MIER2: variants seen among roughly 807,000 people sequenced by gnomAD.
The protein encoded by MIER2 is MIER family member 2, also known as mesoderm induction early response protein 2.
MIER2 carries 30 observed loss-of-function variants against 67.6 expected under a neutral mutation model. The observed-to-expected ratio is 0.44, with a 90% CI of 0.33 to 0.60. The LOEUF (loss-of-function observed/expected upper bound fraction) is 0.60. MIER2 is among the 20% of genes least tolerant of loss of function. MIER2 has a pLI of 0.02. For synonymous variants in MIER2, 372 were observed against 312.6 expected (o/e 1.19, Z -2.00); for missense variants, 702 against 745.1 (o/e 0.94, Z 0.67).
At chr19:326,692 C>A in intron 5 of MIER2, 94 bp from the exon 6 acceptor site, 1 of 1,015,820 alleles carries the variant, frequency 9.8e-7, no homozygotes, top group Admixed American at 1.8e-5. Flanking sequence ...CCACCTGATC[C>A]CCAGGCCATA....
Position 306,708 on chromosome 19 carries a change from A to G in MIER2, c.1620T>C (p.Cys540=). 1 of 1,560,830 alleles carries G rather than the reference A, an allele frequency of 6.4e-7. No individual in the cohort carries two copies. Among genetic ancestry groups the G allele is most frequent in the African/African-American group, 1.4e-5 (1 of 73,468 alleles). The change falls in exon 14 of 14, where the codon TGT becomes TGC. Residue 540 remains cysteine (C), a synonymous_variant. Transcript: ENST00000264819. Reference sequence around the variant, plus strand: ...CCAGGAGTCAGCAGGTCATCACGTTACAGCTGCAGGGGAGAGACCAAGAGA... The same window carrying G: ...CCAGGAGTCAGCAGGTCATCACGTTGCAGCTGCAGGGGAGAGACCAAGAGA... ...PGLHSEPLSH[C]NVMTC is the part of the protein sequence containing the mutation.
chr19:344,098 A>G, intron 1 of MIER2: 1 of 985,430 alleles, frequency 1.0e-6, no homozygotes. Flanking sequence ...TTCCTGGACG[A>G]GGGAGGAGGC....
chr19:334,504 C>T lies in MIER2; in HGVS notation c.139G>A (p.Ala47Thr), dbSNP rs771948136. 3.3e-5 allele frequency: 54 copies of T among 1,613,974 alleles called. No individual in the cohort carries two copies. The Admixed American group carries it at 7.7e-4, about 23-fold the overall frequency. Residue 47 changes from alanine to threonine, a missense_variant, in exon 3 of 14, where the codon GCA becomes ACA. Coordinates refer to ENST00000264819, the MANE Select transcript of MIER2 (RefSeq NM_017550.3). ...CTGTAGTTCTGTGACAGGATCTCTG[C>T]GAGGTTGAACTGATGGTCTCCAGAG... ...MGSGDHQFNL[A>T]EILSQNYSVR...
intron 12 of MIER2, among the ~76,000 whole-genome samples, chr19:307,917 T>G (rs1265098595): frequency 9.1e-6 from 1 of 109,812 alleles, no homozygotes; most frequent in Non-Finnish European, 1.8e-5. Flanking sequence ...TTTGGAAGTT[T>G]TGTTCCCACA....
intron 10 of MIER2, among the ~76,000 whole-genome samples, chr19:309,296 A>G (rs1970812689): frequency 1.3e-5 from 2 of 151,802 alleles, no homozygotes; most frequent in South Asian, 2.1e-4. Flanking sequence ...CGTCCACCTC[A>G]TCTGCCTGCT....
intron 10 of MIER2, among the ~76,000 whole-genome samples, chr19:309,909 GACAC>G (rs770548032): frequency 3.4e-5 from 3 of 88,532 alleles, no homozygotes; most frequent in African/African-American, 1.9e-4. Flanking sequence ...CACGAGAAGG[GACAC>G]ACACACACAC....
At chr19:342,169 C>G (rs576549011) in intron 1 of MIER2, among the ~76,000 whole-genome samples, 1 of 152,294 alleles carries the variant, frequency 6.6e-6, no homozygotes, top group South Asian at 2.1e-4. Flanking sequence ...CCCAGCACCC[C>G]ACTCCTCCGT....
At chr19:323,772 C>A (rs536374903) in intron 7 of MIER2, among the ~76,000 whole-genome samples, 1 of 151,584 alleles carries the variant, frequency 6.6e-6, no homozygotes. Context: ...AGGACACACA[C>A]AACCACAGAC....
chr19:341,087 G>C (rs8112033), intron 1 of MIER2, among the ~76,000 whole-genome samples: 60,603 of 152,034 alleles, frequency 0.4, 13,749 homozygotes, highest in East Asian at 0.66. Context: ...AAGCCACAGG[G>C]AAAGCATCCT....
At chr19:331,452 GAGGCCAAC>G (rs1216522133) in intron 3 of MIER2, among the ~76,000 whole-genome samples, 2 of 151,520 alleles carry the variant, frequency 1.3e-5, no homozygotes, top group Non-Finnish European at 2.9e-5. Context: ...AAAATTGCTT[GAGGCCAAC>G]AGTTTGAGAC....
chr19:309,048 C>G lies in MIER2; in HGVS notation c.985-123G>C. 2.2e-6 allele frequency: 3 copies of G among 1,386,578 alleles called. No individual in the cohort carries two copies. The South Asian group carries it at 4.1e-5, about 19-fold the overall frequency. The allele number at this position is 1,386,578 out of a possible 1,614,324, so 85.9% of individuals were successfully genotyped here. A position where few individuals can be genotyped will look rare whatever the true frequency, so the allele number is the denominator to read the frequency against. ...GAAGGAGCACAGCACCCACCACTCT[C>G]AGATAACGCAAGACCCCCCGACCCA... On this transcript the variant is annotated intron_variant, in intron 10 of 13. Coordinates refer to ENST00000264819, the MANE Select transcript of MIER2 (RefSeq NM_017550.3).
At chr19:328,107 C>T (rs1001757988) in intron 3 of MIER2, 118 bp from the exon 4 acceptor site, 1 of 1,372,638 alleles carries the variant, frequency 7.3e-7, no homozygotes, top group East Asian at 2.6e-5. Flanking sequence ...ACACCCATAG[C>T]AACTCCCCAC....
rs771564844 is a variant in MIER2 at position 306,855 on chromosome 19, G to A, written c.1617-144C>T. ...GCAGCCGGGCCCGGGGTGCCCTGAG[G>A]GGAGCTGGTGGCTGGAGCAGGGGTG... On this transcript the variant is annotated intron_variant, in intron 13 of 13. Coordinates refer to ENST00000264819, the MANE Select transcript of MIER2 (RefSeq NM_017550.3). 5 of 1,338,050 alleles carry A rather than the reference G, an allele frequency of 3.7e-6. No individual in the cohort carries two copies. The African/African-American group carries it at 7.3e-5, about 19-fold the overall frequency. The allele number at this position is 1,338,050 out of a possible 1,614,324, so 82.9% of individuals were successfully genotyped here. A position where few individuals can be genotyped will look rare whatever the true frequency, so the allele number is the denominator to read the frequency against.
At position 308,022 on chromosome 19, in the gene MIER2, G is replaced by C. The variant is rs1250424704; in HGVS notation, c.1199-486C>G. Among the ~76,000 whole-genome samples, 2 of 152,230 alleles carry C rather than the reference G, an allele frequency of 1.3e-5. No homozygotes were observed. Among genetic ancestry groups the C allele is most frequent in the East Asian group, 3.9e-4 (2 of 5,178 alleles). On this transcript the variant is annotated intron_variant, in intron 12 of 13. Coordinates refer to ENST00000264819, the MANE Select transcript of MIER2 (RefSeq NM_017550.3). The surrounding 1 kb of genome is among the most constrained non-coding windows in gnomAD (Gnocchi z 9.1). ...TGGAAACAACCAGACTCTGGAAATGGGGGACCCTCCCAGACTCAACCATCT... is the reference window on the plus strand; with the variant it reads ...TGGAAACAACCAGACTCTGGAAATGCGGGACCCTCCCAGACTCAACCATCT...
At chr19:335,040 G>A (rs1972176625) in intron 2 of MIER2, among the ~76,000 whole-genome samples, 1 of 152,186 alleles carries the variant, frequency 6.6e-6, no homozygotes, top group African/African-American at 2.4e-5. Context: ...CCGTCTGCAG[G>A]GCCACATGAA....
At chr19:337,409 G>A (rs1436253113) in intron 1 of MIER2, among the ~76,000 whole-genome samples, 1 of 152,052 alleles carries the variant, frequency 6.6e-6, no homozygotes, top group African/African-American at 2.4e-5. Flanking sequence ...AGAACAGAAG[G>A]GAGCTTCCTT....
chr19:327,390 G>T (rs1002130924), intron 4 of MIER2, 134 bp from the exon 5 acceptor site: 10 of 1,167,392 alleles, frequency 8.6e-6, no homozygotes, highest in Admixed American at 7.2e-5. Context: ...TTCTGCAAAG[G>T]GTGCACAGCG....
At chr19:326,274 A>G (rs1287132955) in intron 6 of MIER2, among the ~76,000 whole-genome samples, 1 of 149,704 alleles carries the variant, frequency 6.7e-6, no homozygotes, top group Non-Finnish European at 1.5e-5. Context: ...GTTTGGGGAG[A>G]CGGCAGAACC....
rs771948136 is a variant in MIER2, at chr19:334,504, C to A, written c.139G>T (p.Ala47Ser). ...MGSGDHQFNLAEILSQNYSVR... is the reference protein window; with the variant it reads ...MGSGDHQFNLSEILSQNYSVR... ...CTGTAGTTCTGTGACAGGATCTCTG[C>A]GAGGTTGAACTGATGGTCTCCAGAG... The change falls in exon 3 of 14, where the codon GCA (alanine) becomes TCA (serine). Residue 47 changes from alanine to serine, a missense_variant. Ala to Ser is a moderately conservative substitution (Grantham distance 99). This residue lies in a region of MIER2 where 320 missense variants were observed against 292.6 expected (regional missense o/e 1.09). Coordinates refer to ENST00000264819, the MANE Select transcript of MIER2 (RefSeq NM_017550.3). 8.1e-6 allele frequency: 13 copies of A among 1,613,974 alleles called. No homozygotes were observed. The highest frequency in any genetic ancestry group is 3.3e-5 in the Admixed American group (2 of 59,992).
Sources: allele counts gnomAD v4.1 joint callset (sites outside exome capture counted in the v4.1 genomes callset), GRCh38; gene constraint gnomAD v4.1.1; regional missense constraint gnomAD v4.1.1; non-coding constraint Gnocchi (gnomAD v3.1); transcripts MANE v1.5; gene names NCBI Gene and HGNC (gene_info 2026-07-23, HGNC 2026-07-21).